The following MYRIP variants were observed in gnomAD, a reference collection of about 807,000 sequenced individuals.
The protein encoded by MYRIP is rab effector MyRIP.
MYRIP carries 49 observed loss-of-function variants against 98.0 expected under a neutral mutation model. The ratio of observed to expected loss-of-function variants is 0.50; its 90% confidence interval spans 0.40 to 0.63. The LOEUF is 0.63. MYRIP is among the 30% of genes least tolerant of loss of function. MYRIP has a pLI of 0.00. For missense variants in MYRIP, 1,004 were observed against 1,058.2 expected (o/e 0.95, Z 0.71); for synonymous variants, 404 against 409.5 (o/e 0.99, Z 0.16).
At chr3:40,059,757 C>A (rs1947967929) in intron 3 of MYRIP, among the ~76,000 whole-genome samples, 1 of 152,172 alleles carries the variant, frequency 6.6e-6, no homozygotes, top group Non-Finnish European at 1.5e-5. Context: ...GGTTCTTCAT[C>A]TCCTTTTTAG....
At chr3:40,188,426 C>G (rs905205174) in intron 9 of MYRIP, among the ~76,000 whole-genome samples, 1 of 151,158 alleles carries the variant, frequency 6.6e-6, no homozygotes, top group Non-Finnish European at 1.5e-5. Context: ...CTTCAAAGCC[C>G]TGGGGTCCTC....
At chr3:40,048,723 G>C (rs1387947393) in intron 3 of MYRIP, among the ~76,000 whole-genome samples, 2 of 151,932 alleles carry the variant, frequency 1.3e-5, no homozygotes, top group African/African-American at 4.8e-5. Flanking sequence ...GTAATCATTT[G>C]GTTCTTTGTT....
intron 1 of MYRIP, among the ~76,000 whole-genome samples, chr3:39,840,876 C>T (rs1350307627): frequency 1.3e-5 from 2 of 152,184 alleles, no homozygotes; most frequent in Admixed American, 6.5e-5. Context: ...TGACCTTTCT[C>T]TCTGGCTGCC....
chr3:40,012,555 G>C (rs549336558), intron 2 of MYRIP, among the ~76,000 whole-genome samples: 1 of 152,276 alleles, frequency 6.6e-6, no homozygotes, highest in East Asian at 1.9e-4. Flanking sequence ...GTGCCTGTGA[G>C]GGAGTTCCTA....
chr3:39,839,550 G>A lies in MYRIP; in HGVS notation c.-31+29634G>A, dbSNP rs140342614. ...TGTGATTACAAGCATGGGCCACCGCGCCTGCCCTCTAGTTCTTTTAATTGT... is the reference window on the plus strand; with the variant it reads ...TGTGATTACAAGCATGGGCCACCGCACCTGCCCTCTAGTTCTTTTAATTGT... On this transcript the variant is annotated intron_variant, in intron 1 of 16. Coordinates refer to ENST00000302541, the MANE Select transcript of MYRIP (RefSeq NM_015460.4). Among the ~76,000 whole-genome samples the A allele has an allele frequency of 2.6e-3, 396 of 152,200 alleles. 3 individuals carry two copies. The highest frequency in any genetic ancestry group is 9.0e-3 in the African/African-American group (374 of 41,536).
chr3:39,932,838 T>A (rs79472647), intron 2 of MYRIP, among the ~76,000 whole-genome samples: 2,328 of 152,336 alleles, frequency 0.015, 45 homozygotes, highest in East Asian at 0.094. Context: ...TAGTGCCTAG[T>A]GTCAGAGGCC....
rs949147376 is a variant in MYRIP at position 40,182,447 on chromosome 3, A to G, written c.1027+74A>G. The G allele has an allele frequency of 6.7e-6, 10 of 1,501,858 alleles. No individual in the cohort carries two copies. In the African/African-American group the frequency reaches 7.0e-5, roughly 10 times the overall value. The allele number at this position is 1,501,858 out of a possible 1,614,324, so 93.0% of individuals were successfully genotyped here. ...GGTTTGGAGACATCTTGGCTATTGC[A>G]TGGCCACTCTGCTCTTCTTCCCATA... is the stretch of plus-strand genomic sequence containing the variant. On this transcript the variant is annotated intron_variant, in intron 9 of 16. Coordinates refer to ENST00000302541, the MANE Select transcript of MYRIP (RefSeq NM_015460.4).
rs530573910 is a variant in MYRIP, at chr3:40,128,404, G to A, written c.333-22644G>A. Among the ~76,000 whole-genome samples the A allele has an allele frequency of 3.9e-5, 6 of 152,264 alleles. No individual in the cohort carries two copies. The South Asian group carries it at 1.0e-3, about 26-fold the overall frequency. Reference sequence around the variant, plus strand: ...TTGCACGGCTCAGTAGCTACAGGCTGGGCAGGAAAACCACAACCACTTCCA... The same window carrying A: ...TTGCACGGCTCAGTAGCTACAGGCTAGGCAGGAAAACCACAACCACTTCCA... On this transcript the variant is annotated intron_variant, in intron 3 of 16. Transcript: ENST00000302541.
At chr3:39,943,228 A>G (rs1022787953) in intron 2 of MYRIP, among the ~76,000 whole-genome samples, 1 of 152,312 alleles carries the variant, frequency 6.6e-6, no homozygotes, top group African/African-American at 2.4e-5. Context: ...ATGGCTAACC[A>G]TAACTTATGA....
intron 1 of MYRIP, among the ~76,000 whole-genome samples, chr3:39,827,981 T>C (rs1308824743): frequency 6.6e-6 from 1 of 152,134 alleles, no homozygotes; most frequent in Non-Finnish European, 1.5e-5. Flanking sequence ...TTCCCTTATA[T>C]GTGACTTGAT....
At chr3:40,160,211 C>T (rs1950351881) in intron 4 of MYRIP, among the ~76,000 whole-genome samples, 1 of 152,210 alleles carries the variant, frequency 6.6e-6, no homozygotes, top group Non-Finnish European at 1.5e-5. Context: ...TTCCTTCTAA[C>T]AGACAGGACC....
chr3:39,939,044 G>A (rs1944721695), intron 2 of MYRIP, among the ~76,000 whole-genome samples: 1 of 152,128 alleles, frequency 6.6e-6, no homozygotes, highest in African/African-American at 2.4e-5. Context: ...CTGTCCACCA[G>A]AGTGATAGTG....
chr3:40,088,694 A>G (rs1174673739), intron 3 of MYRIP, among the ~76,000 whole-genome samples: 1 of 152,196 alleles, frequency 6.6e-6, no homozygotes, highest in African/African-American at 2.4e-5. Context: ...ACCAGAGCCC[A>G]TCTCTGTGGC....
intron 1 of MYRIP, among the ~76,000 whole-genome samples, chr3:39,846,109 G>A (rs1211236786): frequency 1.3e-5 from 2 of 152,112 alleles, no homozygotes; most frequent in Non-Finnish European, 2.9e-5. Context: ...CATGGATGGC[G>A]ATTAGCATAG....
chr3:40,087,661 T>TA (rs1462539300), intron 3 of MYRIP, among the ~76,000 whole-genome samples: 1 of 152,174 alleles, frequency 6.6e-6, no homozygotes, highest in African/African-American at 2.4e-5. Flanking sequence ...ACTATGTAAA[T>TA]ACTACTACCT....
At chr3:39,873,833 G>C (rs1426819906) in intron 1 of MYRIP, among the ~76,000 whole-genome samples, 1 of 151,544 alleles carries the variant, frequency 6.6e-6, no homozygotes, top group Non-Finnish European at 1.5e-5. Flanking sequence ...CCCTTTTTTG[G>C]TTCCATATGA....
At chr3:39,819,262 T>TG (rs1436060842) in intron 1 of MYRIP, among the ~76,000 whole-genome samples, 1 of 151,992 alleles carries the variant, frequency 6.6e-6, no homozygotes, top group Non-Finnish European at 1.5e-5. Flanking sequence ...GCAGGAGAAT[T>TG]GCTTGAACTC....
At chr3:40,214,035 C>T (rs1458695078) in intron 11 of MYRIP, among the ~76,000 whole-genome samples, 2 of 152,210 alleles carry the variant, frequency 1.3e-5, no homozygotes, top group Non-Finnish European at 2.9e-5. Context: ...TCCTGTCCCA[C>T]TTCCCCACTC....
chr3:39,974,910 T>A (rs1258949377), intron 2 of MYRIP, among the ~76,000 whole-genome samples: 1 of 151,558 alleles, frequency 6.6e-6, no homozygotes, highest in Non-Finnish European at 1.5e-5. Context: ...CAATAAGAGC[T>A]ATCTATGACA....
Sources: allele counts gnomAD v4.1 joint callset (sites outside exome capture counted in the v4.1 genomes callset), GRCh38; gene constraint gnomAD v4.1.1; transcripts MANE v1.5; gene names NCBI Gene and HGNC (gene_info 2026-07-23, HGNC 2026-07-21).